Variants in SLC36A2 observed in about 807,000 individuals in gnomAD.
SLC36A2 encodes solute carrier family 36 member 2.
In SLC36A2, 39 loss-of-function variants were observed where a neutral mutation model predicts 42.7. That is an observed-to-expected ratio of 0.91 (90% CI 0.71 to 1.19). The LOEUF (loss-of-function observed/expected upper bound fraction) is 1.19. SLC36A2 is among the 50% of genes most tolerant of loss of function. The probability of loss-of-function intolerance (pLI) is 0.00; values close to 1 mark genes in which losing one functional copy is unlikely to be tolerated. For synonymous variants in SLC36A2, 237 were observed against 240.8 expected (o/e 0.98, Z 0.15); for missense variants, 590 against 613.7 (o/e 0.96, Z 0.41).
At chr5:151,328,350 G>A (rs1269699869) in intron 7 of SLC36A2, among the ~76,000 whole-genome samples, 1 of 152,216 alleles carries the variant, frequency 6.6e-6, no homozygotes, top group Non-Finnish European at 1.5e-5. Flanking sequence ...GACTGTCATG[G>A]TGGTGAGTTT....
In SLC36A2 at chr5:151,347,484, C is replaced by T. The variant is rs760267463; in HGVS notation, c.-24G>A. On this transcript the variant is annotated 5_prime_UTR_variant, in exon 1 of 10. Transcript: ENST00000335244. Reference sequence around the variant, plus strand: ...ATGACTGCTTAAGAAACAAGGAGCTCGGGGTGACAAAGAGGTCTGCTCTGG... The same window carrying T: ...ATGACTGCTTAAGAAACAAGGAGCTTGGGGTGACAAAGAGGTCTGCTCTGG... 2.4e-5 allele frequency: 39 copies of T among 1,612,746 alleles called. No homozygotes were observed. The Middle Eastern group carries it at 7.8e-4, about 32-fold the overall frequency.
At chr5:151,333,436 G>T (rs1053559419) in intron 6 of SLC36A2, 114 bp from the exon 7 acceptor site, 11 of 902,678 alleles carry the variant, frequency 1.2e-5, no homozygotes, top group Non-Finnish European at 1.8e-6. Flanking sequence ...ATATCAAGAA[G>T]TTTAGAAAAC....
At chr5:151,343,912 C>T (rs1321331806) in intron 2 of SLC36A2, among the ~76,000 whole-genome samples, 1 of 152,148 alleles carries the variant, frequency 6.6e-6, no homozygotes, top group Non-Finnish European at 1.5e-5. Flanking sequence ...ATAGAGCATA[C>T]TTGGAAAACT....
At chr5:151,340,412 C>G (rs1384352517) in intron 4 of SLC36A2, among the ~76,000 whole-genome samples, 2 of 152,188 alleles carry the variant, frequency 1.3e-5, no homozygotes, top group Non-Finnish European at 2.9e-5. Context: ...CGGGACACAA[C>G]TGGATATTAG....
At chr5:151,328,118 G>A (rs1386971737) in intron 7 of SLC36A2, among the ~76,000 whole-genome samples, 3 of 152,200 alleles carry the variant, frequency 2.0e-5, no homozygotes, top group Admixed American at 1.3e-4. Context: ...TGCCTCCAAA[G>A]TTACCTGCTC....
chr5:151,330,768 G>A (rs779606675), intron 7 of SLC36A2, among the ~76,000 whole-genome samples: 4 of 152,138 alleles, frequency 2.6e-5, no homozygotes, highest in African/African-American at 7.2e-5. Flanking sequence ...ACATAAAGGC[G>A]GAAGGGCCCT....
At chr5:151,334,279 A>G (rs932830336) in intron 6 of SLC36A2, among the ~76,000 whole-genome samples, 2 of 152,200 alleles carry the variant, frequency 1.3e-5, no homozygotes, top group African/African-American at 4.8e-5. Context: ...ACTAAATTTC[A>G]CGGACAATGT....
rs1222337871 is a variant in SLC36A2, at chr5:151,344,196, A to G, written c.236T>C (p.Val79Ala). ...TCTTACCAGGATGCCCGCGTTCTTC[A>G]CAGCGAGGGGTAGTCCCAGGATCCC... ...GTGILGLPLA[V>A]KNAGILMGPL... Residue 79 changes from valine (V) to alanine (A), a missense_variant, in exon 2 of 10, where the codon GTG becomes GCG. Physicochemically the swap from Val to Ala is moderately conservative, Grantham distance 64. Transcript: ENST00000335244. The G allele has an allele frequency of 6.2e-7, 1 of 1,614,156 alleles. No individual in the cohort carries two copies. Among genetic ancestry groups the G allele is most frequent in the Non-Finnish European group, 8.5e-7 (1 of 1,180,024 alleles).
At position 151,335,463 on chromosome 5, in the gene SLC36A2, A is replaced by C. The variant is rs1244790112; in HGVS notation, c.610T>G (p.Tyr204Asp). ...AGGAAGGGCAGGAAGGAGAGCATGT[A>C]GAGTCGCGAGTCCATGGTGGGGGTC... is the stretch of plus-strand genomic sequence containing the variant. The part of the protein sequence containing the change: ...ILTPTMDSRL[Y>D]MLSFLPFLVL... Residue 204 changes from tyrosine (Y) to aspartate (D), a missense_variant, in exon 6 of 10, where the codon TAC becomes GAC. By Grantham distance (160) the Tyr-to-Asp change is radical (BLOSUM62 -3). Coordinates refer to ENST00000335244, the MANE Select transcript of SLC36A2 (RefSeq NM_181776.3). 1 of 1,614,176 alleles carries C rather than the reference A, an allele frequency of 6.2e-7. No homozygotes were observed. Among genetic ancestry groups the C allele is most frequent in the Non-Finnish European group, 8.5e-7 (1 of 1,180,008 alleles).
chr5:151,327,293 G>T (rs955425990), intron 7 of SLC36A2, among the ~76,000 whole-genome samples: 4 of 152,154 alleles, frequency 2.6e-5, no homozygotes, highest in Admixed American at 1.3e-4. Flanking sequence ...TGAGATAACT[G>T]ATCCCAAGTT....
rs138947074 is a variant in SLC36A2, at chr5:151,325,381, G to A, written c.915C>T (p.Ile305=). The A allele has an allele frequency of 4.9e-4, 787 of 1,614,162 alleles. 1 individual carries two copies. In the African/African-American group the frequency reaches 9.2e-3, roughly 19 times the overall value. ...CCATGCCAATGTATAGGGAAGTGACGATGGACATTCCCAAAGACAGGATGG... is the reference window on the plus strand; with the variant it reads ...CCATGCCAATGTATAGGGAAGTGACAATGGACATTCCCAAAGACAGGATGG... ...FPAILSLGMS[I]VTSLYIGMAA... is the part of the protein sequence containing the mutation. Residue 305 remains isoleucine (I), a synonymous_variant, in exon 8 of 10, where the codon ATC becomes ATT. Coordinates refer to ENST00000335244, the MANE Select transcript of SLC36A2 (RefSeq NM_181776.3).
chr5:151,339,257 G>C, intron 4 of SLC36A2, 113 bp from the exon 5 acceptor site: 1 of 691,748 alleles, frequency 1.4e-6, no homozygotes, highest in Non-Finnish European at 2.6e-6. Flanking sequence ...CCCTGTACCA[G>C]CACACTTGGT....
In SLC36A2 at chr5:151,337,598, G is replaced by A. The variant is rs961707628; in HGVS notation, c.525+1462C>T. Among the ~76,000 whole-genome samples the A allele has an allele frequency of 3.9e-5, 6 of 152,270 alleles. No homozygotes were observed. In the East Asian group the frequency reaches 9.6e-4, roughly 24 times the overall value. On this transcript the variant is annotated intron_variant, in intron 5 of 9. Coordinates refer to ENST00000335244, the MANE Select transcript of SLC36A2 (RefSeq NM_181776.3). ...TACATGTCAGATTGCTTTCTAAAGA[G>A]CAATCTGGCAATGTTTTAAGAGCCT...
intron 9 of SLC36A2, 62 bp from the exon 10 acceptor site, chr5:151,317,150 G>C (rs1347270291): frequency 1.7e-5 from 27 of 1,582,334 alleles, no homozygotes; most frequent in Non-Finnish European, 2.3e-5. Flanking sequence ...TTGAAAGTTT[G>C]TTCTTAAAGT....
intron 4 of SLC36A2, among the ~76,000 whole-genome samples, chr5:151,341,735 G>A (rs372862540): frequency 3.3e-5 from 5 of 152,070 alleles, no homozygotes; most frequent in African/African-American, 1.2e-4. Context: ...TCTGTCCCTG[G>A]CTTCATGGCT....
chr5:151,332,638 A>G, intron 7 of SLC36A2: 1 of 256,298 alleles, frequency 3.9e-6, no homozygotes, highest in Non-Finnish European at 7.8e-6. Context: ...GTATGATCCC[A>G]TATATGTGAC....
At position 151,330,023 on chromosome 5, in the gene SLC36A2, G is replaced by A. The variant is rs951601591; in HGVS notation, c.843+3201C>T. 2.0e-5 allele frequency among the ~76,000 whole-genome samples: 3 copies of A among 152,212 alleles called. No homozygotes were observed. The South Asian group carries it at 6.2e-4, about 32-fold the overall frequency. On this transcript the variant is annotated intron_variant, in intron 7 of 9. Coordinates refer to ENST00000335244, the MANE Select transcript of SLC36A2 (RefSeq NM_181776.3). ...ATACACTGGGTGTGTGTGTTTAGGG[G>A]GGTGGGGGAGCGGGGTCCTGGAACC... is the stretch of plus-strand genomic sequence containing the variant.
rs1350525580 is a variant in SLC36A2, at chr5:151,344,179, G to T, written c.253C>A (p.Leu85Met). The T allele has an allele frequency of 6.2e-7, 1 of 1,613,882 alleles. No homozygotes were observed. The highest frequency in any genetic ancestry group is 1.7e-5 in the Admixed American group (1 of 59,994). ...CCCACATGTGGCGCCTCTCTTACCAGGATGCCCGCGTTCTTCACAGCGAGG... is the reference window on the plus strand; with the variant it reads ...CCCACATGTGGCGCCTCTCTTACCATGATGCCCGCGTTCTTCACAGCGAGG... Reference protein sequence around the residue: ...LPLAVKNAGILMGPLSLLVMG... With the variant: ...LPLAVKNAGIMMGPLSLLVMG... The change falls in exon 2 of 10, where the codon CTG becomes ATG. Residue 85 changes from leucine to methionine, a missense_variant and splice_region_variant. Transcript: ENST00000335244.
At chr5:151,338,146 GA>G (rs1756210169) in intron 5 of SLC36A2, among the ~76,000 whole-genome samples, 3 of 152,294 alleles carry the variant, frequency 2.0e-5, no homozygotes, top group African/African-American at 7.2e-5. Flanking sequence ...TGACATAATA[GA>G]AGCTAACTCT....
Sources: allele counts gnomAD v4.1 joint callset (sites outside exome capture counted in the v4.1 genomes callset), GRCh38; gene constraint gnomAD v4.1.1; transcripts MANE v1.5; gene names NCBI Gene and HGNC (gene_info 2026-07-23, HGNC 2026-07-21).